Variants in FMN2 observed in about 807,000 individuals in gnomAD.
The protein encoded by FMN2 is formin-2.
In FMN2, 51 loss-of-function variants were observed where a neutral mutation model predicts 142.3. The ratio of observed to expected loss-of-function variants is 0.36; its 90% confidence interval spans 0.29 to 0.45. The LOEUF (loss-of-function observed/expected upper bound fraction) is 0.45. Among genes scored for constraint, FMN2 ranks in the 20% least tolerant of loss-of-function variants. The probability of loss-of-function intolerance (pLI) is 1.00; values close to 1 mark genes in which losing one functional copy is unlikely to be tolerated. For missense variants in FMN2, 1,936 were observed against 2,122.8 expected, an observed-to-expected ratio of 0.91 and a Z score of 1.73; for synonymous variants, 882 against 869.8, an observed-to-expected ratio of 1.01 and a Z score of -0.25.
At chr1:240,154,529 A>G (rs1379936654) in intron 2 of FMN2, 1 of 152,192 alleles carries the variant, frequency 6.6e-6, no homozygotes, top group African/African-American at 2.4e-5. Context: ...TGGGCTGTGA[A>G]GGATGGGCGG....
intron 2 of FMN2, among the ~76,000 whole-genome samples, chr1:240,131,624 G>A (rs1028941958): frequency 3.3e-5 from 5 of 151,972 alleles, no homozygotes; most frequent in East Asian, 3.9e-4. Flanking sequence ...CATGAGAATC[G>A]CTTGAACCCA....
chr1:240,270,920 A>G (rs1371998414), intron 7 of FMN2, among the ~76,000 whole-genome samples: 1 of 151,898 alleles, frequency 6.6e-6, no homozygotes, highest in Non-Finnish European at 1.5e-5. Flanking sequence ...CTGCTGGTCT[A>G]TTGCACAGCA....
At chr1:240,410,184 T>C (rs1176795888) in intron 15 of FMN2, among the ~76,000 whole-genome samples, 2 of 151,900 alleles carry the variant, frequency 1.3e-5, no homozygotes, top group African/African-American at 4.8e-5. Context: ...ATAGAAGGTT[T>C]ATAGCTAGTG....
At chr1:240,425,967 ACAC>A (rs1674926292) in intron 15 of FMN2, among the ~76,000 whole-genome samples, 1 of 152,226 alleles carries the variant, frequency 6.6e-6, no homozygotes, top group South Asian at 2.1e-4. Flanking sequence ...AACAGAGTAA[ACAC>A]CACTAAAATT....
intron 16 of FMN2, among the ~76,000 whole-genome samples, chr1:240,468,210 G>A (rs201242961): frequency 0.1 from 14,814 of 141,430 alleles, 1,062 homozygotes; most frequent in East Asian, 0.22. Flanking sequence ...ATATATATGT[G>A]TGTGTGTGTG....
rs2103235292 is a variant in FMN2, at chr1:240,132,298, T to C, written c.1782+8953T>C. Among the ~76,000 whole-genome samples the C allele has an allele frequency of 1.3e-5, 2 of 152,220 alleles. 1 individual carries two copies. Among genetic ancestry groups the C allele is most frequent in the Middle Eastern group, 6.8e-3 (2 of 294 alleles). ...ATAGACCATAGGTTGTATGGTAAAA[T>C]CATGAGCAAATAAATCTCGTAAATT... On this transcript the variant is annotated intron_variant, in intron 2 of 17. Transcript: ENST00000319653.
In FMN2 at chr1:240,473,556, C is replaced by A. The variant is rs1248447511; in HGVS notation, c.5143-572C>A. On this transcript the variant is annotated intron_variant, in intron 17 of 17. Transcript: ENST00000319653. The surrounding 1 kb of genome is among the most constrained non-coding windows in gnomAD (Gnocchi z 4.3). ...CCAAATTGGGATATGATTAAATAGC[C>A]CTGTTTTTTTTTAAAAAGTTAGGAA... Among the ~76,000 whole-genome samples, 1 of 151,926 alleles carries A rather than the reference C, an allele frequency of 6.6e-6. No homozygotes were observed. The highest frequency in any genetic ancestry group is 2.4e-5 in the African/African-American group (1 of 41,352).
intron 2 of FMN2, among the ~76,000 whole-genome samples, chr1:240,129,872 T>C (rs1476581744): frequency 6.6e-6 from 1 of 152,184 alleles, no homozygotes; most frequent in Non-Finnish European, 1.5e-5. Flanking sequence ...ACTCCTTCCT[T>C]GTCTCTCCTT....
chr1:240,392,424 A>T, intron 14 of FMN2, 87 bp from the exon 15 acceptor site: 7 of 1,008,408 alleles, frequency 6.9e-6, no homozygotes, highest in Non-Finnish European at 1.1e-5. Context: ...AATTAAAATA[A>T]GTTACGTTAT....
At chr1:240,130,717 G>A (rs1239821479) in intron 2 of FMN2, among the ~76,000 whole-genome samples, 2 of 152,138 alleles carry the variant, frequency 1.3e-5, no homozygotes, top group Admixed American at 6.5e-5. Flanking sequence ...GCACAACAAA[G>A]TTTTCGACTG....
chr1:240,206,968 G>A lies in FMN2; in HGVS notation c.2156G>A (p.Gly719Asp), dbSNP rs2103385530. The change falls in exon 5 of 18, where the codon GGC (glycine) becomes GAC (aspartate). Residue 719 changes from glycine to aspartate, a missense_variant. Gly to Asp is a moderately conservative substitution (Grantham distance 94, BLOSUM62 -1). Transcript: ENST00000319653. ...QGLENGVTAS[G>D]DVCLEALRLE... ...CTTGAGAATGGAGTGACAGCCTCAG[G>A]CGATGTCTGTCTCGAAGCTCTCAGG... 1 of 1,614,168 alleles carries A rather than the reference G, an allele frequency of 6.2e-7. No individual in the cohort carries two copies. The highest frequency in any genetic ancestry group is 8.5e-7 in the Non-Finnish European group (1 of 1,180,024).
chr1:240,252,952 A>ATTTTTTTTTTTTTTTTTTT (rs1572118578), intron 6 of FMN2, among the ~76,000 whole-genome samples: 2 of 33,880 alleles, frequency 5.9e-5, no homozygotes, highest in East Asian at 1.6e-3. Context: ...AGTCTTGTTC[A>ATTTTTTTTTTTTTTTTTTT]CTTTTTTTTT....
At chr1:240,223,581 C>G (rs1193416061) in intron 6 of FMN2, among the ~76,000 whole-genome samples, 3 of 152,146 alleles carry the variant, frequency 2.0e-5, no homozygotes, top group African/African-American at 7.2e-5. Context: ...CTTTGTACCT[C>G]TGGTAAAATT....
chr1:240,098,173 C>A (rs1189168433), intron 1 of FMN2, among the ~76,000 whole-genome samples: 1 of 141,814 alleles, frequency 7.1e-6, no homozygotes, highest in Non-Finnish European at 1.5e-5. Context: ...GTGATCTTGG[C>A]TCACTGCAAC....
Position 240,264,103 on chromosome 1 carries a change from A to G in FMN2, c.4153+6071A>G, listed in dbSNP as rs573067207. Among the ~76,000 whole-genome samples the G allele has an allele frequency of 3.3e-5, 5 of 152,292 alleles. No homozygotes were observed. In the South Asian group the frequency reaches 8.3e-4, roughly 25 times the overall value. On this transcript the variant is annotated intron_variant, in intron 7 of 17. Transcript: ENST00000319653. ...TTGCTTTCCCAAACAGTTTATTTAA[A>G]TTATATAGTTAAGGGTACCTTACAA...
chr1:240,113,041 T>C (rs1344302787), intron 1 of FMN2, among the ~76,000 whole-genome samples: 1 of 152,326 alleles, frequency 6.6e-6, no homozygotes, highest in South Asian at 2.1e-4. Flanking sequence ...CAGGCTTGAA[T>C]AGCTGGACAC....
chr1:240,204,516 C>T (rs533843662), intron 4 of FMN2, among the ~76,000 whole-genome samples: 5 of 152,224 alleles, frequency 3.3e-5, no homozygotes, highest in East Asian at 1.9e-4. Context: ...TTTGGGAGGC[C>T]GAGGTGCGTG....
intron 2 of FMN2, among the ~76,000 whole-genome samples, chr1:240,147,122 G>A (rs1262487662): frequency 6.6e-6 from 1 of 152,132 alleles, no homozygotes; most frequent in African/African-American, 2.4e-5. Flanking sequence ...ATGCCATTCA[G>A]TACTGACTGA....
chr1:240,436,321 G>A (rs73130204), intron 15 of FMN2, among the ~76,000 whole-genome samples: 16,021 of 152,094 alleles, frequency 0.11, 1,998 homozygotes, highest in African/African-American at 0.31. Context: ...CAGTCTTGTC[G>A]TCTCTGCCTA....
Sources: allele counts gnomAD v4.1 joint callset (sites outside exome capture counted in the v4.1 genomes callset), GRCh38; gene constraint gnomAD v4.1.1; non-coding constraint Gnocchi (gnomAD v3.1); transcripts MANE v1.5; gene names NCBI Gene and HGNC (gene_info 2026-07-23, HGNC 2026-07-21).